UST: variants seen among roughly 807,000 people sequenced by gnomAD.
The protein encoded by UST is uronyl 2-sulfotransferase, also known as chondroitin sulfate 2-O-sulfotransferase.
A neutral mutation model predicts 45.6 loss-of-function variants in UST; 21 were observed. That is an observed-to-expected ratio of 0.46 (90% CI 0.33 to 0.66). The LOEUF is 0.66. Ranked by LOEUF, UST falls within the 30% of genes least tolerant of loss-of-function variation. The pLI, the probability that UST is intolerant of heterozygous loss-of-function variation, is 0.02. For missense variants in UST, 463 were observed against 512.4 expected, an observed-to-expected ratio of 0.90 and a Z score of 0.93; for synonymous variants, 215 against 200.6, an observed-to-expected ratio of 1.07 and a Z score of -0.61.
chr6:148,807,042 C>T (rs963842358), intron 1 of UST, among the ~76,000 whole-genome samples: 1 of 152,180 alleles, frequency 6.6e-6, no homozygotes, highest in African/African-American at 2.4e-5. Context: ...CCTTTTATGT[C>T]TCTCTTAATC....
chr6:148,779,519 C>T (rs756867926), intron 1 of UST, among the ~76,000 whole-genome samples: 2 of 152,154 alleles, frequency 1.3e-5, no homozygotes, highest in Non-Finnish European at 2.9e-5. Context: ...GAGAGAATTC[C>T]GGTCCTGGTC....
chr6:148,925,470 C>G (rs1171080381), intron 2 of UST, among the ~76,000 whole-genome samples: 2 of 152,056 alleles, frequency 1.3e-5, no homozygotes, highest in Non-Finnish European at 2.9e-5. Context: ...AGAGAAAAAA[C>G]CTTTAAAGTT....
chr6:148,940,079 G>A (rs1780094676), intron 2 of UST, among the ~76,000 whole-genome samples: 1 of 152,124 alleles, frequency 6.6e-6, no homozygotes, highest in South Asian at 2.1e-4. Context: ...TATACAAATG[G>A]CCAATAAGCA....
At chr6:148,929,280 T>A (rs1779878298) in intron 2 of UST, among the ~76,000 whole-genome samples, 2 of 152,168 alleles carry the variant, frequency 1.3e-5, no homozygotes, top group Non-Finnish European at 2.9e-5. Context: ...GAGTGAGTCC[T>A]GATTAATCTA....
chr6:148,957,322 A>G (rs1233228795), intron 4 of UST, among the ~76,000 whole-genome samples: 1 of 152,244 alleles, frequency 6.6e-6, no homozygotes, highest in African/African-American at 2.4e-5. Flanking sequence ...CTCATAGAAC[A>G]TGGGACATTA....
chr6:148,755,644 C>CTT (rs71270312), intron 1 of UST, among the ~76,000 whole-genome samples: 6 of 138,530 alleles, frequency 4.3e-5, no homozygotes, highest in South Asian at 2.2e-4. Flanking sequence ...CTGATGGTTT[C>CTT]TTTTTTTTTT....
At chr6:148,788,257 C>T (rs1278800981) in intron 1 of UST, among the ~76,000 whole-genome samples, 1 of 152,100 alleles carries the variant, frequency 6.6e-6, no homozygotes, top group African/African-American at 2.4e-5. Flanking sequence ...GGGTCCCTCC[C>T]ACAACACATG....
intron 5 of UST, among the ~76,000 whole-genome samples, chr6:148,981,519 C>T (rs994065374): frequency 1.3e-5 from 2 of 152,220 alleles, no homozygotes; most frequent in African/African-American, 4.8e-5. Context: ...CCCATTGCCT[C>T]CGTGGAGCTT....
chr6:148,751,836 C>G (rs1290701076), intron 1 of UST, among the ~76,000 whole-genome samples: 1 of 152,166 alleles, frequency 6.6e-6, no homozygotes, highest in African/African-American at 2.4e-5. Context: ...ATGATGCAGC[C>G]TTGCTGCCAG....
In UST at chr6:148,747,496, G is replaced by T; in HGVS notation, c.66G>T (p.Gly22=). The T allele has an allele frequency of 6.6e-7, 1 of 1,521,712 alleles. No individual in the cohort carries two copies. The highest frequency in any genetic ancestry group is 8.8e-7 in the Non-Finnish European group (1 of 1,134,330). 94.3% of individuals were successfully genotyped at this position (1,521,712 alleles called of 1,614,324 possible). A position where few individuals can be genotyped will look rare whatever the true frequency, so the allele number is the denominator to read the frequency against. Residue 22 remains glycine (G), a synonymous_variant, in exon 1 of 8, where the codon GGG becomes GGT. Transcript: ENST00000367463. ...ADPWPHGAPM[G]GAPPGLGSWK... ...CCTGGCCCCATGGGGCCCCTATGGGGGGCGCCCCTCCGGGCCTGGGCAGCT... is the reference window on the plus strand; with the variant it reads ...CCTGGCCCCATGGGGCCCCTATGGGTGGCGCCCCTCCGGGCCTGGGCAGCT...
intron 7 of UST, among the ~76,000 whole-genome samples, chr6:149,030,848 C>T (rs1031391823): frequency 1.3e-5 from 2 of 152,170 alleles, no homozygotes; most frequent in African/African-American, 2.4e-5. Context: ...CAACACCTGA[C>T]GTCTTTCCAG....
chr6:149,056,057 A>G (rs1273621743), intron 7 of UST, among the ~76,000 whole-genome samples: 1 of 148,162 alleles, frequency 6.7e-6, no homozygotes, highest in Non-Finnish European at 1.5e-5. Flanking sequence ...TAACATTTTT[A>G]TAGTATATCA....
chr6:148,815,000 A>G (rs1777329075), intron 1 of UST, among the ~76,000 whole-genome samples: 1 of 152,232 alleles, frequency 6.6e-6, no homozygotes, highest in South Asian at 2.1e-4. Context: ...ATAGTTTGTA[A>G]TAATAAAAGA....
intron 1 of UST, among the ~76,000 whole-genome samples, chr6:148,759,827 G>T (rs1251101382): frequency 3.3e-5 from 4 of 122,426 alleles, no homozygotes; most frequent in African/African-American, 1.3e-4. Context: ...CAGCCTGGGC[G>T]ACAGAGCGAG....
chr6:148,923,206 C>T (rs79055173), intron 2 of UST, among the ~76,000 whole-genome samples: 3,228 of 152,318 alleles, frequency 0.021, 47 homozygotes, highest in Non-Finnish European at 0.033. Flanking sequence ...ATGGGCATTT[C>T]AGTCGTCTCC....
chr6:148,752,889 T>C (rs1307277536), intron 1 of UST, among the ~76,000 whole-genome samples: 1 of 152,190 alleles, frequency 6.6e-6, no homozygotes, highest in African/African-American at 2.4e-5. Flanking sequence ...TGCTTTTTTT[T>C]TGTTTTTTGG....
At chr6:148,792,361 TCA>T (rs749187191) in intron 1 of UST, among the ~76,000 whole-genome samples, 24 of 152,322 alleles carry the variant, frequency 1.6e-4, no homozygotes, top group South Asian at 4.1e-4. Flanking sequence ...CAATGAGAGC[TCA>T]CAGTCTTGCT....
chr6:148,785,765 G>C (rs1250266841), intron 1 of UST, among the ~76,000 whole-genome samples: 1 of 152,070 alleles, frequency 6.6e-6, no homozygotes, highest in Admixed American at 6.5e-5. Context: ...ATAAGATGTT[G>C]AGGAAAAAAA....
In UST at chr6:148,796,111, A is replaced by G. The variant is rs528848471; in HGVS notation, c.247+48434A>G. ...TGCTCCCATGTGGTTTCACAGCCCA[A>G]GAAACTGAAGGGTAGTTTTGAATCC... On this transcript the variant is annotated intron_variant, in intron 1 of 7. Coordinates refer to ENST00000367463, the MANE Select transcript of UST (RefSeq NM_005715.3). Among the ~76,000 whole-genome samples the G allele has an allele frequency of 2.0e-5, 3 of 152,300 alleles. No individual in the cohort carries two copies. The South Asian group carries it at 6.2e-4, about 32-fold the overall frequency.
Sources: gnomAD v4.1 joint callset for allele counts (sites outside exome capture counted in the v4.1 genomes callset) on GRCh38, gnomAD v4.1.1 for gene constraint, MANE v1.5 for transcripts, NCBI Gene and HGNC (gene_info 2026-07-23, HGNC 2026-07-21) for gene names.